NKAIN3: variants seen among roughly 807,000 people sequenced by gnomAD.
The protein encoded by NKAIN3 is sodium/potassium transporting ATPase interacting 3.
NKAIN3 carries 25 observed loss-of-function variants against 30.2 expected under a neutral mutation model. The ratio of observed to expected loss-of-function variants is 0.83; its 90% confidence interval spans 0.60 to 1.16. NKAIN3 has a LOEUF of 1.16. Among genes scored for constraint, NKAIN3 ranks in the 50% most tolerant of loss-of-function variants. The pLI, the probability that NKAIN3 is intolerant of heterozygous loss-of-function variation, is 0.00. For synonymous variants in NKAIN3, 91 were observed against 89.6 expected (o/e 1.02, Z -0.09); for missense variants, 225 against 254.1 (o/e 0.89, Z 0.78).
intron 1 of NKAIN3, among the ~76,000 whole-genome samples, chr8:62,273,168 T>A (rs1361269301): frequency 6.6e-6 from 1 of 152,212 alleles, no homozygotes; most frequent in Non-Finnish European, 1.5e-5. Flanking sequence ...CTTAAAGAAA[T>A]ATTAGATTAA....
At chr8:62,339,131 A>T (rs1815660022) in intron 1 of NKAIN3, among the ~76,000 whole-genome samples, 1 of 152,044 alleles carries the variant, frequency 6.6e-6, no homozygotes, top group Non-Finnish European at 1.5e-5. Context: ...TGGGTAAAAC[A>T]TAATGCAGAA....
At chr8:62,320,735 T>A (rs4532585) in intron 1 of NKAIN3, among the ~76,000 whole-genome samples, 84,762 of 151,490 alleles carry the variant, frequency 0.56, 23,988 homozygotes, top group Non-Finnish European at 0.61. Context: ...TTTGTGGGTA[T>A]CCCGACCTTT....
chr8:62,854,662 G>A (rs1451197489), intron 4 of NKAIN3, among the ~76,000 whole-genome samples: 1 of 152,114 alleles, frequency 6.6e-6, no homozygotes, highest in Admixed American at 6.5e-5. Context: ...TTGCCATTCT[G>A]TGTCTTTTAA....
intron 4 of NKAIN3, among the ~76,000 whole-genome samples, chr8:62,870,145 G>A (rs1050730389): frequency 7.3e-6 from 1 of 136,346 alleles, no homozygotes; most frequent in African/African-American, 2.9e-5. Flanking sequence ...GCTTGCAGAC[G>A]ACCTATTGTG....
intron 3 of NKAIN3, among the ~76,000 whole-genome samples, chr8:62,709,665 G>A (rs1814653767): frequency 6.6e-6 from 1 of 151,944 alleles, no homozygotes. Context: ...TCCTTTCAAA[G>A]AACCAACATT....
At chr8:62,817,110 T>C (rs1818708231) in intron 4 of NKAIN3, among the ~76,000 whole-genome samples, 1 of 152,178 alleles carries the variant, frequency 6.6e-6, no homozygotes, top group Non-Finnish European at 1.5e-5. Context: ...TCTTTGTCAC[T>C]TATTTGCTGA....
At chr8:62,832,196 T>C (rs1345991379) in intron 4 of NKAIN3, among the ~76,000 whole-genome samples, 1 of 151,526 alleles carries the variant, frequency 6.6e-6, no homozygotes, top group African/African-American at 2.4e-5. Flanking sequence ...ACCAGCATTA[T>C]AGGAAATCCC....
At chr8:62,598,823 T>G (rs1810910424) in intron 3 of NKAIN3, among the ~76,000 whole-genome samples, 2 of 152,042 alleles carry the variant, frequency 1.3e-5, no homozygotes, top group Admixed American at 6.6e-5. Flanking sequence ...GAGGAATGAC[T>G]GTCTTGTCAG....
intron 3 of NKAIN3, among the ~76,000 whole-genome samples, chr8:62,637,504 A>G (rs1563494528): frequency 6.6e-6 from 1 of 152,200 alleles, no homozygotes; most frequent in Non-Finnish European, 1.5e-5. Context: ...CCAAGCAATA[A>G]TGCTCCCAGG....
Position 62,523,924 on chromosome 8 carries a change from A to T in NKAIN3, c.55-55615A>T, listed in dbSNP as rs144919783. Among the ~76,000 whole-genome samples, 108 of 152,278 alleles carry T rather than the reference A, an allele frequency of 7.1e-4. 1 individual carries two copies. In the Middle Eastern group the frequency reaches 0.02, roughly 29 times the overall value. ...TCTTCCAAGCCTCAGGAAGAGGAGG[A>T]TGAATTAGAAATACAGCTGTCTTAT... On this transcript the variant is annotated intron_variant, in intron 1 of 6. Transcript: ENST00000623646.
chr8:62,839,562 A>G (rs762261175), intron 4 of NKAIN3, among the ~76,000 whole-genome samples: 2 of 152,082 alleles, frequency 1.3e-5, no homozygotes, highest in Non-Finnish European at 2.9e-5. Flanking sequence ...AAACTAGAAG[A>G]TCAAATAACT....
chr8:62,875,405 G>T (rs924724782), intron 4 of NKAIN3, among the ~76,000 whole-genome samples: 2 of 152,016 alleles, frequency 1.3e-5, no homozygotes, highest in African/African-American at 4.8e-5. Flanking sequence ...ACTACCAAAA[G>T]TAATCTATAG....
chr8:62,705,949 A>C (rs1814506170), intron 3 of NKAIN3, among the ~76,000 whole-genome samples: 1 of 152,054 alleles, frequency 6.6e-6, no homozygotes, highest in Non-Finnish European at 1.5e-5. Flanking sequence ...CTTTCTATGC[A>C]TTCCTGTAAG....
intron 1 of NKAIN3, among the ~76,000 whole-genome samples, chr8:62,333,412 C>A (rs1341269897): frequency 6.6e-6 from 1 of 152,072 alleles, no homozygotes; most frequent in Non-Finnish European, 1.5e-5. Context: ...ATATGACATG[C>A]ATTTTTAATA....
chr8:62,487,163 A>G (rs1308688988), intron 1 of NKAIN3, among the ~76,000 whole-genome samples: 1 of 152,216 alleles, frequency 6.6e-6, no homozygotes, highest in Non-Finnish European at 1.5e-5. Flanking sequence ...GGCATTGAGG[A>G]CTGCTGGCTC....
At chr8:62,509,204 G>C (rs1042716440) in intron 1 of NKAIN3, among the ~76,000 whole-genome samples, 2 of 152,040 alleles carry the variant, frequency 1.3e-5, no homozygotes, top group Non-Finnish European at 2.9e-5. Flanking sequence ...TGGGGAGGGG[G>C]TCCCAAGCAA....
intron 4 of NKAIN3, among the ~76,000 whole-genome samples, chr8:62,916,669 G>A (rs913663771): frequency 2.0e-5 from 3 of 152,044 alleles, no homozygotes; most frequent in Non-Finnish European, 2.9e-5. Flanking sequence ...AAACTCTCCC[G>A]CTCAGCTTGG....
chr8:62,686,629 A>C (rs1022144548), intron 3 of NKAIN3, among the ~76,000 whole-genome samples: 3 of 152,232 alleles, frequency 2.0e-5, no homozygotes, highest in Admixed American at 2.0e-4. Context: ...AGATGAAGAC[A>C]GTCTCTCAAA....
chr8:62,932,616 T>C (rs1822655262), intron 5 of NKAIN3, among the ~76,000 whole-genome samples: 1 of 152,240 alleles, frequency 6.6e-6, no homozygotes, highest in African/African-American at 2.4e-5. Context: ...AAGTCATAAG[T>C]TACTGGGTAC....
Sources: gnomAD v4.1 joint callset for allele counts (sites outside exome capture counted in the v4.1 genomes callset) on GRCh38, gnomAD v4.1.1 for gene constraint, MANE v1.5 for transcripts, NCBI Gene and HGNC (gene_info 2026-07-23, HGNC 2026-07-21) for gene names.